Variants in ZSCAN25 observed in about 807,000 individuals in gnomAD.
The protein encoded by ZSCAN25 is zinc finger and SCAN domain-containing protein 25.
In ZSCAN25, 27 loss-of-function variants were observed where a neutral mutation model predicts 38.7. The observed-to-expected ratio is 0.70, with a 90% CI of 0.51 to 0.96. The LOEUF is 0.96. Ranked by LOEUF, ZSCAN25 falls within the 40% of genes least tolerant of loss-of-function variation. The probability of loss-of-function intolerance (pLI) is 0.00; values close to 1 mark genes in which losing one functional copy is unlikely to be tolerated. For synonymous variants in ZSCAN25, 273 were observed against 277.7 expected, an observed-to-expected ratio of 0.98 and a Z score of 0.17; for missense variants, 637 against 705.9, an observed-to-expected ratio of 0.90 and a Z score of 1.11.
the ZSCAN25 span, chr7:99,715,525 A>G: frequency 3.3e-6 from 2 of 613,622 alleles, no homozygotes; most frequent in Non-Finnish European, 5.4e-6. Context: ...ACTAGTGGTT[A>G]TATACGACAA....
chr7:99,688,254 A>G, the ZSCAN25 span, among the ~76,000 whole-genome samples: 12,147 of 152,258 alleles, frequency 0.08, 605 homozygotes, highest in African/African-American at 0.13. Context: ...AAGACCCATC[A>G]GTGTGCTGTA....
At chr7:99,687,402 A>T in the ZSCAN25 span, among the ~76,000 whole-genome samples, 1 of 152,256 alleles carries the variant, frequency 6.6e-6, no homozygotes, top group Non-Finnish European at 1.5e-5. Flanking sequence ...TGATGCGATC[A>T]ACTGGAAGAA....
chr7:99,705,920 C>A, the ZSCAN25 span, among the ~76,000 whole-genome samples: 1 of 152,108 alleles, frequency 6.6e-6, no homozygotes, highest in Non-Finnish European at 1.5e-5. Context: ...AAAATTTAAA[C>A]CAGATTATTA....
In ZSCAN25 at chr7:99,622,718, AAC is replaced by A. The variant is rs1807089169; in HGVS notation, c.681+80_681+81del. 7 of 1,377,562 alleles carry A rather than the reference AAC, an allele frequency of 5.1e-6. No homozygotes were observed. The South Asian group carries it at 6.0e-5, about 12-fold the overall frequency. The allele number at this position is 1,377,562 out of a possible 1,614,324, so 85.3% of individuals were successfully genotyped here. A position where few individuals can be genotyped will look rare whatever the true frequency, so the allele number is the denominator to read the frequency against. ...CACCTTCCCCAAGGTTTCTCTGCACAACAGTGTTCCCTTCCCGCCCCAAGTTG... is the reference window on the plus strand; with the variant it reads ...CACCTTCCCCAAGGTTTCTCTGCACAAGTGTTCCCTTCCCGCCCCAAGTTG... On this transcript the variant is annotated intron_variant, in intron 6 of 7. Transcript: ENST00000394152.
chr7:99,630,213 C>T lies in ZSCAN25; in HGVS notation c.*193C>T, dbSNP rs147913728. Reference sequence around the variant, plus strand: ...GCTTCCATCTCTTACCCAAGTGGTGCTAAACAATTTTTCTTCCAATGTTTG... The same window carrying T: ...GCTTCCATCTCTTACCCAAGTGGTGTTAAACAATTTTTCTTCCAATGTTTG... On this transcript the variant is annotated 3_prime_UTR_variant, in exon 8 of 8. Coordinates refer to ENST00000394152, the MANE Select transcript of ZSCAN25 (RefSeq NM_145115.3). The T allele has an allele frequency of 3.4e-4, 468 of 1,363,926 alleles. 1 individual carries two copies. In the African/African-American group the frequency reaches 5.6e-3, roughly 16 times the overall value. The allele number at this position is 1,363,926 out of a possible 1,614,324, so 84.5% of individuals were successfully genotyped here. A position where few individuals can be genotyped will look rare whatever the true frequency, so the allele number is the denominator to read the frequency against.
At chr7:99,645,592 T>C in the ZSCAN25 span, among the ~76,000 whole-genome samples, 1 of 152,224 alleles carries the variant, frequency 6.6e-6, no homozygotes, top group Non-Finnish European at 1.5e-5. Flanking sequence ...AGTGTTTATT[T>C]TTCTCCACAA....
At chr7:99,626,210 A>G (rs1807456606) in intron 7 of ZSCAN25, among the ~76,000 whole-genome samples, 1 of 152,240 alleles carries the variant, frequency 6.6e-6, no homozygotes, top group Non-Finnish European at 1.5e-5. Flanking sequence ...CAGAAACCTG[A>G]ATGCAGGACT....
At chr7:99,638,520 C>T in the ZSCAN25 span, 3 of 1,507,492 alleles carry the variant, frequency 2.0e-6, no homozygotes, top group Non-Finnish European at 2.8e-6. Context: ...GAAGATCAGA[C>T]CTTGGGTCCC....
At chr7:99,689,206 C>A in the ZSCAN25 span, among the ~76,000 whole-genome samples, 8 of 151,640 alleles carry the variant, frequency 5.3e-5, no homozygotes, top group Non-Finnish European at 1.2e-4. Context: ...AAAAACCCTT[C>A]AAAAAATTAA....
the ZSCAN25 span, among the ~76,000 whole-genome samples, chr7:99,643,946 C>A: frequency 6.6e-6 from 1 of 151,856 alleles, no homozygotes; most frequent in Non-Finnish European, 1.5e-5. Flanking sequence ...AGGCACACCA[C>A]CCTTCATAAA....
At chr7:99,716,304 T>C in the ZSCAN25 span, among the ~76,000 whole-genome samples, 2 of 152,102 alleles carry the variant, frequency 1.3e-5, no homozygotes, top group Admixed American at 1.3e-4. Flanking sequence ...ACAGGTGACA[T>C]TGCCTGACTA....
At chr7:99,645,295 G>A in the ZSCAN25 span, among the ~76,000 whole-genome samples, 31 of 152,216 alleles carry the variant, frequency 2.0e-4, no homozygotes, top group East Asian at 4.2e-3. Context: ...AGCTGATCTC[G>A]TTCCTTTTTA....
At chr7:99,702,750 A>G in the ZSCAN25 span, among the ~76,000 whole-genome samples, 1 of 152,138 alleles carries the variant, frequency 6.6e-6, no homozygotes, top group African/African-American at 2.4e-5. Flanking sequence ...GGTTCTATAG[A>G]AATGTTAGAA....
At chr7:99,722,159 C>T in the ZSCAN25 span, 1 of 1,078,386 alleles carries the variant, frequency 9.3e-7, no homozygotes, top group Non-Finnish European at 1.4e-6. Context: ...CTTCTTCTTT[C>T]AGAAAACCTC....
Position 99,621,529 on chromosome 7 carries a change from C to T in ZSCAN25, c.544C>T (p.Leu182Phe), listed in dbSNP as rs761250562. ...TCCAGACCCAGGTACCGAGGAGCAG[C>T]TCAGTCAGGACCCTGGAGATGAGAC... The part of the protein sequence containing the change: ...QGPDPGTEEQ[L>F]SQDPGDETRA... Residue 182 changes from leucine to phenylalanine, a missense_variant, in exon 5 of 8, where the codon CTC (leucine) becomes TTC (phenylalanine). Leu to Phe is a conservative substitution (Grantham distance 22, BLOSUM62 0). Coordinates refer to ENST00000394152, the MANE Select transcript of ZSCAN25 (RefSeq NM_145115.3). The T allele has an allele frequency of 2.8e-5, 44 of 1,554,884 alleles. 1 individual carries two copies. The Middle Eastern group carries it at 7.1e-4, about 25-fold the overall frequency.
the ZSCAN25 span, among the ~76,000 whole-genome samples, chr7:99,687,119 T>C: frequency 1.3e-5 from 2 of 152,158 alleles, no homozygotes; most frequent in African/African-American, 4.8e-5. Context: ...AGAGTGCCTC[T>C]CCTCCTCCAA....
chr7:99,618,599 C>T lies in ZSCAN25; in HGVS notation c.-184C>T, dbSNP rs969055697. 10 of 152,114 alleles carry T rather than the reference C, an allele frequency of 6.6e-5. No homozygotes were observed. The highest frequency in any genetic ancestry group is 1.3e-4 in the Admixed American group (2 of 15,268). 9.4% of individuals were successfully genotyped at this position (152,114 alleles called of 1,614,324 possible). A position where few individuals can be genotyped will look rare whatever the true frequency, so the allele number is the denominator to read the frequency against. ...TCTCCAAAATACGTCTTGATTTTGT[C>T]TGACTCTTTGCCACCACCCTGATCT... On this transcript the variant is annotated 5_prime_UTR_variant, in exon 2 of 8. Coordinates refer to ENST00000394152, the MANE Select transcript of ZSCAN25 (RefSeq NM_145115.3).
At chr7:99,664,818 A>G in the ZSCAN25 span, among the ~76,000 whole-genome samples, 1 of 152,236 alleles carries the variant, frequency 6.6e-6, no homozygotes, top group African/African-American at 2.4e-5. Context: ...AAAGAAAATA[A>G]CAGACTAAAA....
chr7:99,691,540 A>T, the ZSCAN25 span, among the ~76,000 whole-genome samples: 1 of 152,146 alleles, frequency 6.6e-6, no homozygotes, highest in Non-Finnish European at 1.5e-5. Context: ...AAGTCTCTTT[A>T]TAGGTCTCTA....
Sources: allele counts gnomAD v4.1 joint callset (sites outside exome capture counted in the v4.1 genomes callset), GRCh38; gene constraint gnomAD v4.1.1; transcripts MANE v1.5; gene names NCBI Gene and HGNC (gene_info 2026-07-23, HGNC 2026-07-21).